Variants in CORO2B observed in about 807,000 individuals in gnomAD.
CORO2B encodes the protein coronin 2B, also known as coronin-2B.
A neutral mutation model predicts 58.8 loss-of-function variants in CORO2B; 26 were observed. The observed-to-expected ratio is 0.44, with a 90% CI of 0.32 to 0.61. The LOEUF (loss-of-function observed/expected upper bound fraction) is 0.61. Ranked by LOEUF, CORO2B falls within the 20% of genes least tolerant of loss-of-function variation. CORO2B has a pLI of 0.04. For synonymous variants in CORO2B, 242 were observed against 253.8 expected, an observed-to-expected ratio of 0.95 and a Z score of 0.44; for missense variants, 460 against 645.1, an observed-to-expected ratio of 0.71 and a Z score of 3.11.
At chr15:68,718,901 G>T in intron 9 of CORO2B, 91 bp downstream of exon 9, 1 of 1,169,680 alleles carries the variant, frequency 8.5e-7, no homozygotes, top group Non-Finnish European at 1.3e-6. Flanking sequence ...AAACCCAGGT[G>T]AGAGATGTGC....
chr15:68,545,682 C>G, the CORO2B span, among the ~76,000 whole-genome samples: 1 of 151,600 alleles, frequency 6.6e-6, no homozygotes, highest in African/African-American at 2.4e-5. Context: ...CCAAAGGGGC[C>G]TCCCCTTCCT....
chr15:68,558,288 C>T, the CORO2B span, among the ~76,000 whole-genome samples: 1 of 152,168 alleles, frequency 6.6e-6, no homozygotes, highest in Non-Finnish European at 1.5e-5. Context: ...CTGCCCCTGC[C>T]TGGCAGGCCC....
chr15:68,575,342 C>CTT (rs147492952), upstream of CORO2B, among the ~76,000 whole-genome samples: 48 of 143,444 alleles, frequency 3.3e-4, no homozygotes, highest in African/African-American at 1.2e-3. Context: ...ACACCTTTTT[C>CTT]TTTTTTTTTT....
chr15:68,671,099 G>A (rs1004515718), intron 2 of CORO2B, among the ~76,000 whole-genome samples: 5 of 152,138 alleles, frequency 3.3e-5, no homozygotes, highest in Non-Finnish European at 4.4e-5. Context: ...GCCACACTGA[G>A]GAATACAACG....
chr15:68,569,803 T>C, the CORO2B span, among the ~76,000 whole-genome samples: 1 of 152,206 alleles, frequency 6.6e-6, no homozygotes, highest in African/African-American at 2.4e-5. Context: ...GCATTTGGTG[T>C]TGTCAGTGTT....
rs576902747 is a variant in CORO2B, at chr15:68,721,423, G to T, written c.1311+1871G>T. ...AGAGGCGAAGTAAGAATGGTCATAC[G>T]GGCTGGGCGCCGTAGCTCATGCCTG... On this transcript the variant is annotated intron_variant, in intron 11 of 11. Coordinates refer to ENST00000261861, the MANE Select transcript of CORO2B (RefSeq NM_006091.5). 8.6e-4 allele frequency among the ~76,000 whole-genome samples: 131 copies of T among 152,222 alleles called. 1 individual carries two copies. Among genetic ancestry groups the T allele is most frequent in the Non-Finnish European group, 1.4e-3 (96 of 68,000 alleles).
intron 2 of CORO2B, among the ~76,000 whole-genome samples, chr15:68,661,823 A>G (rs1902023553): frequency 6.6e-6 from 1 of 152,158 alleles, no homozygotes. Context: ...CCTAGCCAGC[A>G]TGGCAAAACC....
chr15:68,722,718 G>T (rs1567021215), intron 11 of CORO2B, among the ~76,000 whole-genome samples: 1 of 152,208 alleles, frequency 6.6e-6, no homozygotes, highest in Non-Finnish European at 1.5e-5. Flanking sequence ...GGGACTGGTG[G>T]TTTGTTAGTT....
rs143646951 is a variant in CORO2B at position 68,656,274 on chromosome 15, C to T, written c.216+10914C>T. 9.1e-3 allele frequency among the ~76,000 whole-genome samples: 1,382 copies of T among 151,368 alleles called. 11 individuals carry two copies. Among genetic ancestry groups the T allele is most frequent in the South Asian group, 0.014 (65 of 4,740 alleles). ...GTTGGTCCCAGCATTCACAGCCTCA[C>T]GTGTCAAGAGACAGATCTGTGACAT... On this transcript the variant is annotated intron_variant, in intron 2 of 11. Coordinates refer to ENST00000261861, the MANE Select transcript of CORO2B (RefSeq NM_006091.5).
chr15:68,627,918 C>G (rs767825259), intron 1 of CORO2B, among the ~76,000 whole-genome samples: 1 of 152,036 alleles, frequency 6.6e-6, no homozygotes, highest in East Asian at 1.9e-4. Flanking sequence ...TTCGATGAGG[C>G]TCTGTGCTGA....
At chr15:68,698,674 T>C (rs564566000) in intron 3 of CORO2B, among the ~76,000 whole-genome samples, 2 of 152,284 alleles carry the variant, frequency 1.3e-5, no homozygotes, top group African/African-American at 4.8e-5. Flanking sequence ...ACCATCTGGG[T>C]GGCCAATGGA....
chr15:68,678,528 G>A (rs1328402929), intron 2 of CORO2B, among the ~76,000 whole-genome samples: 3 of 152,106 alleles, frequency 2.0e-5, no homozygotes, highest in Non-Finnish European at 2.9e-5. Context: ...ACAAAAATTA[G>A]CCAGGTGAGG....
the CORO2B span, among the ~76,000 whole-genome samples, chr15:68,518,405 T>TCCTTTCTTCTTCCCTCC: frequency 6.6e-6 from 1 of 152,240 alleles, no homozygotes; most frequent in Non-Finnish European, 1.5e-5. Flanking sequence ...TGCTTCCCTC[T>TCCTTTCTTCTTCCCTCC]CCTTTCTTCT....
chr15:68,725,872 T>C lies in CORO2B; in HGVS notation c.1341T>C (p.Asp447=). The C allele has an allele frequency of 6.2e-7, 1 of 1,613,194 alleles. No individual in the cohort carries two copies. Among genetic ancestry groups the C allele is most frequent in the Non-Finnish European group, 8.5e-7 (1 of 1,179,396 alleles). The change falls in exon 12 of 12, where the codon GAT becomes GAC. Residue 447 remains aspartate, a synonymous_variant. Coordinates refer to ENST00000261861, the MANE Select transcript of CORO2B (RefSeq NM_006091.5). Reference sequence around the variant, plus strand: ...TTCGAATGTTCTTCCGGCAGCAGGATGAGATTCGACGGTTGAAAGAGGAGC... The same window carrying C: ...TTCGAATGTTCTTCCGGCAGCAGGACGAGATTCGACGGTTGAAAGAGGAGC... ...ELLRMFFRQQ[D]EIRRLKEELA...
At chr15:68,595,743 G>T (rs756579112) in intron 1 of CORO2B, among the ~76,000 whole-genome samples, 8 of 152,266 alleles carry the variant, frequency 5.3e-5, no homozygotes, top group Non-Finnish European at 1.0e-4. Flanking sequence ...TGGACACACA[G>T]AGGGGACCAA....
chr15:68,697,893 C>T (rs1270235014), intron 3 of CORO2B, among the ~76,000 whole-genome samples: 2 of 152,190 alleles, frequency 1.3e-5, no homozygotes, highest in Admixed American at 1.3e-4. Context: ...CCATCCTTCT[C>T]TCCTGGGTTC....
chr15:68,613,982 A>C (rs1900297155), intron 1 of CORO2B, among the ~76,000 whole-genome samples: 1 of 152,206 alleles, frequency 6.6e-6, no homozygotes, highest in South Asian at 2.1e-4. Context: ...TGTGGTACCT[A>C]TCTGTATATT....
chr15:68,569,621 G>C, the CORO2B span, among the ~76,000 whole-genome samples: 1 of 152,190 alleles, frequency 6.6e-6, no homozygotes, highest in Non-Finnish European at 1.5e-5. Flanking sequence ...TTTTCGTGTG[G>C]ACATAAGATT....
chr15:68,674,286 G>A (rs545420720), intron 2 of CORO2B, among the ~76,000 whole-genome samples: 13 of 152,238 alleles, frequency 8.5e-5, no homozygotes, highest in Admixed American at 7.2e-4. Flanking sequence ...GGGTCTGAGA[G>A]CTCCCTGCTG....
Sources: gnomAD v4.1 joint callset for allele counts (sites outside exome capture counted in the v4.1 genomes callset) on GRCh38, gnomAD v4.1.1 for gene constraint, MANE v1.5 for transcripts, NCBI Gene and HGNC (gene_info 2026-07-23, HGNC 2026-07-21) for gene names.